HS3ST5: variants seen among roughly 807,000 people sequenced by gnomAD.
HS3ST5 encodes heparan sulfate-glucosamine 3-sulfotransferase 5, also known as heparan sulfate glucosamine 3-O-sulfotransferase 5.
Under a neutral mutation model 25.4 loss-of-function variants are expected in HS3ST5, and 10 were observed. The observed-to-expected ratio is 0.39, with a 90% CI of 0.24 to 0.67. The LOEUF is 0.67. HS3ST5 is among the 30% of genes least tolerant of loss of function. HS3ST5 has a pLI of 0.44. For synonymous variants in HS3ST5, 170 were observed against 162.4 expected (o/e 1.05, Z -0.36); for missense variants, 324 against 420.7 (o/e 0.77, Z 2.01).
intron 1 of HS3ST5, among the ~76,000 whole-genome samples, chr6:114,333,439 A>G (rs1776484385): frequency 6.6e-6 from 1 of 152,168 alleles, no homozygotes; most frequent in African/African-American, 2.4e-5. Flanking sequence ...TTTTGTTGGT[A>G]GTATACAGTT....
chr6:114,295,338 A>G (rs1357301866), intron 1 of HS3ST5, among the ~76,000 whole-genome samples: 1 of 152,220 alleles, frequency 6.6e-6, no homozygotes, highest in Non-Finnish European at 1.5e-5. Context: ...ATTGATAGCA[A>G]GCACATTGAG....
intron 3 of HS3ST5, among the ~76,000 whole-genome samples, chr6:114,149,116 T>G (rs1415971901): frequency 6.6e-6 from 1 of 152,102 alleles, no homozygotes; most frequent in Non-Finnish European, 1.5e-5. Flanking sequence ...AATAGAAACA[T>G]TTTTACACTG....
intron 3 of HS3ST5, among the ~76,000 whole-genome samples, chr6:114,159,110 T>C (rs1778825204): frequency 6.6e-6 from 1 of 152,204 alleles, no homozygotes; most frequent in African/African-American, 2.4e-5. Flanking sequence ...TTCCCAGTTA[T>C]GTCTAATCCT....
intron 3 of HS3ST5, chr6:114,131,285 G>T (rs1318555647): frequency 6.6e-6 from 1 of 152,150 alleles, no homozygotes; most frequent in Non-Finnish European, 1.5e-5. Flanking sequence ...AATTTAAGTA[G>T]ATCATATTTC....
intron 3 of HS3ST5, among the ~76,000 whole-genome samples, chr6:114,116,700 C>T (rs896251663): frequency 2.0e-5 from 3 of 152,088 alleles, no homozygotes; most frequent in Non-Finnish European, 2.9e-5. Context: ...CTCTTGCCAT[C>T]CAGAACTAAT....
At chr6:114,227,585 C>G (rs1582737263) in intron 2 of HS3ST5, among the ~76,000 whole-genome samples, 1 of 152,008 alleles carries the variant, frequency 6.6e-6, no homozygotes, top group East Asian at 1.9e-4. Flanking sequence ...ACCAAATGTA[C>G]ATGTAAACTT....
At chr6:114,089,041 T>C (rs1248751056) in intron 3 of HS3ST5, 1 of 152,178 alleles carries the variant, frequency 6.6e-6, no homozygotes. Flanking sequence ...ACCTGATACT[T>C]AAGAGGTCAG....
intron 3 of HS3ST5, among the ~76,000 whole-genome samples, chr6:114,152,937 T>A (rs572502237): frequency 3.3e-5 from 5 of 152,366 alleles, no homozygotes; most frequent in African/African-American, 1.2e-4. Flanking sequence ...GGGATCTGCC[T>A]AATAATTTTC....
intron 3 of HS3ST5, among the ~76,000 whole-genome samples, chr6:114,138,017 T>C (rs1042069568): frequency 2.0e-5 from 3 of 152,026 alleles, no homozygotes; most frequent in African/African-American, 7.2e-5. Flanking sequence ...ATCTTAAAAA[T>C]AGCACTAGCA....
chr6:114,123,640 A>C (rs1180386484), intron 3 of HS3ST5, among the ~76,000 whole-genome samples: 1 of 152,220 alleles, frequency 6.6e-6, no homozygotes, highest in African/African-American at 2.4e-5. Context: ...CCCATTCAGC[A>C]TGCTAATCCA....
At chr6:114,315,129 T>C (rs1384197593) in intron 1 of HS3ST5, among the ~76,000 whole-genome samples, 3 of 152,238 alleles carry the variant, frequency 2.0e-5, no homozygotes, top group East Asian at 3.9e-4. Context: ...ACAGGAAAAA[T>C]AGAGCCTTTG....
At chr6:114,288,534 T>C (rs1774436925) in intron 1 of HS3ST5, among the ~76,000 whole-genome samples, 1 of 151,678 alleles carries the variant, frequency 6.6e-6, no homozygotes, top group East Asian at 1.9e-4. Context: ...GACTTGTACC[T>C]TCCACTTACT....
intron 3 of HS3ST5, among the ~76,000 whole-genome samples, chr6:114,138,725 T>G (rs886504413): frequency 3.3e-5 from 5 of 152,212 alleles, no homozygotes; most frequent in African/African-American, 1.2e-4. Context: ...AATACATGAA[T>G]GTGAATTCCA....
intron 3 of HS3ST5, among the ~76,000 whole-genome samples, chr6:114,105,016 T>C (rs973146318): frequency 3.9e-5 from 6 of 152,134 alleles, no homozygotes; most frequent in Non-Finnish European, 5.9e-5. Context: ...ATTTTTTTTT[T>C]CCTATGATCT....
At chr6:114,312,795 C>G (rs1775584274) in intron 1 of HS3ST5, among the ~76,000 whole-genome samples, 1 of 151,796 alleles carries the variant, frequency 6.6e-6, no homozygotes, top group East Asian at 1.9e-4. Context: ...TTTGGGAGGC[C>G]CAGGTAGGCA....
intron 1 of HS3ST5, among the ~76,000 whole-genome samples, chr6:114,339,489 C>T (rs1464757665): frequency 1.3e-5 from 2 of 152,088 alleles, no homozygotes; most frequent in African/African-American, 4.8e-5. Context: ...AAAAACGTTA[C>T]TGTTTCTGAG....
chr6:114,122,959 T>C (rs1776864360), intron 3 of HS3ST5, among the ~76,000 whole-genome samples: 1 of 152,194 alleles, frequency 6.6e-6, no homozygotes, highest in African/African-American at 2.4e-5. Context: ...TGTTTGTTTG[T>C]TTGTTTGTTT....
chr6:114,161,540 T>TAAATATATATAAA (rs1778958505), intron 3 of HS3ST5, among the ~76,000 whole-genome samples: 2 of 66,634 alleles, frequency 3.0e-5, no homozygotes, highest in African/African-American at 1.3e-4. Context: ...TATATATATA[T>TAAATATATATAAA]ATATATATAT....
intron 2 of HS3ST5, among the ~76,000 whole-genome samples, chr6:114,170,238 T>A (rs934969778): frequency 7.2e-4 from 110 of 152,238 alleles, no homozygotes; most frequent in African/African-American, 2.3e-3. Flanking sequence ...ATGATTTTTT[T>A]TAAAAAATAC....
Sources: allele counts gnomAD v4.1 joint callset (sites outside exome capture counted in the v4.1 genomes callset), GRCh38; gene constraint gnomAD v4.1.1; transcripts MANE v1.5; gene names NCBI Gene and HGNC (gene_info 2026-07-23, HGNC 2026-07-21).